Variants in CYTH3 observed in about 807,000 individuals in gnomAD.
The protein encoded by CYTH3 is cytohesin-3.
CYTH3 carries 23 observed loss-of-function variants against 55.1 expected under a neutral mutation model. That is an observed-to-expected ratio of 0.42 (90% CI 0.30 to 0.59). The LOEUF (loss-of-function observed/expected upper bound fraction) is 0.59, where lower values mean the gene tolerates loss of function less well. Among genes scored for constraint, CYTH3 ranks in the 20% least tolerant of loss-of-function variants. The pLI is 0.20. For synonymous variants in CYTH3, 249 were observed against 194.9 expected, an observed-to-expected ratio of 1.28 and a Z score of -2.31; for missense variants, 413 against 524.8, an observed-to-expected ratio of 0.79 and a Z score of 2.08.
intron 1 of CYTH3, among the ~76,000 whole-genome samples, chr7:6,218,195 AT>A (rs1784468693): frequency 6.6e-6 from 1 of 152,170 alleles, no homozygotes; most frequent in African/African-American, 2.4e-5. Context: ...AAGAAAAAGC[AT>A]CTTCAATGGA....
At chr7:6,204,262 G>GA (rs1165167652) in intron 1 of CYTH3, among the ~76,000 whole-genome samples, 3 of 152,152 alleles carry the variant, frequency 2.0e-5, no homozygotes, top group Non-Finnish European at 4.4e-5. Flanking sequence ...AAGCACATGT[G>GA]AAAAAAGAAA....
At chr7:6,240,323 C>G (rs1455877050) in intron 1 of CYTH3, among the ~76,000 whole-genome samples, 1 of 147,246 alleles carries the variant, frequency 6.8e-6, no homozygotes, top group East Asian at 2.0e-4. Flanking sequence ...AGAATGAGAT[C>G]AGAAGCTGTT....
rs562422371 is a variant in CYTH3 at position 6,270,509 on chromosome 7, C to A, written c.34+1965G>T. Reference sequence around the variant, plus strand: ...TGAAATACACACTTATTCCAGAAACCTGGAAAATATAAAAAGAAAATAAAA... The same window carrying A: ...TGAAATACACACTTATTCCAGAAACATGGAAAATATAAAAAGAAAATAAAA... On this transcript the variant is annotated intron_variant, in intron 1 of 12. Transcript: ENST00000350796. 3.3e-5 allele frequency among the ~76,000 whole-genome samples: 5 copies of A among 152,110 alleles called. No individual in the cohort carries two copies. The South Asian group carries it at 1.0e-3, about 32-fold the overall frequency.
At chr7:6,186,079 C>T (rs1385002679) in intron 4 of CYTH3, among the ~76,000 whole-genome samples, 2 of 151,410 alleles carry the variant, frequency 1.3e-5, no homozygotes, top group Non-Finnish European at 2.9e-5. Context: ...CCCATCTCTA[C>T]TAAAAATACA....
rs1783101376 is a variant in CYTH3 at position 6,169,286 on chromosome 7, T to A, written c.823+1249A>T. Among the ~76,000 whole-genome samples, 1 of 152,118 alleles carries A rather than the reference T, an allele frequency of 6.6e-6. No homozygotes were observed. The highest frequency in any genetic ancestry group is 2.4e-5 in the African/African-American group (1 of 41,424). Reference sequence around the variant, plus strand: ...CCGAGGTGGGAGAGCAGTGGCACAGTCATGGTTCATTGGAGCCTCAACCTC... The same window carrying A: ...CCGAGGTGGGAGAGCAGTGGCACAGACATGGTTCATTGGAGCCTCAACCTC... On this transcript the variant is annotated intron_variant, in intron 9 of 12. Transcript: ENST00000350796. This position sits in a 1 kb window ranked among gnomAD's most constrained non-coding sequence, Gnocchi z 4.1.
At chr7:6,253,589 G>A (rs528379692) in intron 1 of CYTH3, among the ~76,000 whole-genome samples, 4 of 152,094 alleles carry the variant, frequency 2.6e-5, no homozygotes, top group Non-Finnish European at 4.4e-5. Flanking sequence ...AGGCCAAGGC[G>A]GGCAGATCAC....
At chr7:6,197,309 G>C (rs1783958836) in intron 1 of CYTH3, among the ~76,000 whole-genome samples, 1 of 152,094 alleles carries the variant, frequency 6.6e-6, no homozygotes, top group African/African-American at 2.4e-5. Context: ...GTAGAGAAAT[G>C]TCTTTATTTT....
At chr7:6,246,441 T>C (rs1324357536) in intron 1 of CYTH3, among the ~76,000 whole-genome samples, 1 of 152,102 alleles carries the variant, frequency 6.6e-6, no homozygotes, top group Non-Finnish European at 1.5e-5. Flanking sequence ...CATGACCTTA[T>C]CCTGTGATCA....
At position 6,170,492 on chromosome 7, in the gene CYTH3, G is replaced by C. The variant is rs979025975; in HGVS notation, c.823+43C>G. The C allele has an allele frequency of 1.3e-6, 2 of 1,578,840 alleles. No homozygotes were observed. The highest frequency in any genetic ancestry group is 1.7e-4 in the Middle Eastern group (1 of 5,934). ...AGGAACCCGAGGGGCTGCTGCCATG[G>C]GCAGAGGGGTCACGCCCGGGTCCCG... On this transcript the variant is annotated intron_variant, in intron 9 of 12. Coordinates refer to ENST00000350796, the MANE Select transcript of CYTH3 (RefSeq NM_004227.4). The surrounding 1 kb of genome is among the most constrained non-coding windows in gnomAD (Gnocchi z 7.8).
chr7:6,238,677 C>A (rs1779590869), intron 1 of CYTH3, among the ~76,000 whole-genome samples: 1 of 152,118 alleles, frequency 6.6e-6, no homozygotes, highest in African/African-American at 2.4e-5. Flanking sequence ...AAAAGTGAAT[C>A]CTAATGAAAA....
chr7:6,175,924 G>C (rs994756818), intron 5 of CYTH3, among the ~76,000 whole-genome samples: 1 of 152,066 alleles, frequency 6.6e-6, no homozygotes, highest in Non-Finnish European at 1.5e-5. Flanking sequence ...TGGGTCCCTT[G>C]AATTTTCCAT....
intron 6 of CYTH3, chr7:6,172,848 T>C: frequency 7.8e-7 from 1 of 1,276,540 alleles, no homozygotes; most frequent in South Asian, 1.3e-5. Flanking sequence ...AGCCCCAGGC[T>C]GCGCTGTGAG....
At chr7:6,203,144 T>C (rs1051129938) in intron 1 of CYTH3, among the ~76,000 whole-genome samples, 4 of 149,226 alleles carry the variant, frequency 2.7e-5, no homozygotes, top group Admixed American at 1.3e-4. Flanking sequence ...TCAAAATATA[T>C]AAAGCAAAAA....
At chr7:6,188,231 G>A (rs1382592210) in intron 2 of CYTH3, among the ~76,000 whole-genome samples, 2 of 152,052 alleles carry the variant, frequency 1.3e-5, no homozygotes, top group African/African-American at 4.8e-5. Flanking sequence ...TACTAGAGAG[G>A]CTGAGGAGGG....
chr7:6,197,554 G>A (rs1460549491), intron 1 of CYTH3, among the ~76,000 whole-genome samples: 1 of 152,074 alleles, frequency 6.6e-6, no homozygotes, highest in African/African-American at 2.4e-5. Context: ...GTAATGGTGG[G>A]TGCCTGAAAT....
intron 9 of CYTH3, among the ~76,000 whole-genome samples, chr7:6,168,195 G>C (rs1434010187): frequency 2.0e-5 from 3 of 151,050 alleles, no homozygotes; most frequent in African/African-American, 7.3e-5. Flanking sequence ...CTGTATGGCA[G>C]CTCGGATTGG....
At chr7:6,266,328 TATGCCTCC>T (rs1780491250) in intron 1 of CYTH3, among the ~76,000 whole-genome samples, 1 of 152,210 alleles carries the variant, frequency 6.6e-6, no homozygotes, top group Non-Finnish European at 1.5e-5. Context: ...TTAGCTTCCC[TATGCCTCC>T]ATTTTCCAAT....
At chr7:6,237,234 C>A (rs1779546834) in intron 1 of CYTH3, among the ~76,000 whole-genome samples, 1 of 152,224 alleles carries the variant, frequency 6.6e-6, no homozygotes, top group African/African-American at 2.4e-5. Flanking sequence ...ACTGGAGGTA[C>A]AAGTGCAACA....
intron 1 of CYTH3, among the ~76,000 whole-genome samples, chr7:6,238,785 G>A (rs557657277): frequency 1.3e-5 from 2 of 152,188 alleles, no homozygotes; most frequent in Non-Finnish European, 2.9e-5. Context: ...CTGTGTGCAC[G>A]TGGGGGCAGG....
Sources: allele counts gnomAD v4.1 joint callset (sites outside exome capture counted in the v4.1 genomes callset), GRCh38; gene constraint gnomAD v4.1.1; non-coding constraint Gnocchi (gnomAD v3.1); transcripts MANE v1.5; gene names NCBI Gene and HGNC (gene_info 2026-07-23, HGNC 2026-07-21).